Variants in SLC5A4 observed in about 807,000 individuals in gnomAD.
SLC5A4 encodes the protein solute carrier family 5 member 4, also known as probable glucose sensor protein SLC5A4.
Under a neutral mutation model 70.3 loss-of-function variants are expected in SLC5A4, and 55 were observed. The ratio of observed to expected loss-of-function variants is 0.78; its 90% confidence interval spans 0.63 to 0.98. The LOEUF is 0.98. Ranked by LOEUF, SLC5A4 falls within the 50% of genes least tolerant of loss-of-function variation. The pLI is 0.00. For missense variants in SLC5A4, 735 were observed against 839.2 expected (o/e 0.88, Z 1.53); for synonymous variants, 268 against 305.7 (o/e 0.88, Z 1.29).
At chr22:32,318,846 T>C in the SLC5A4 span, among the ~76,000 whole-genome samples, 1 of 152,206 alleles carries the variant, frequency 6.6e-6, no homozygotes, top group Admixed American at 6.5e-5. Flanking sequence ...CTCTTTTCCT[T>C]TTCATTCTCT....
chr22:32,239,566 ATATTTATATATATAT>A (rs1926351704), intron 5 of SLC5A4, among the ~76,000 whole-genome samples: 1 of 23,512 alleles, frequency 4.3e-5, no homozygotes, highest in African/African-American at 2.1e-4. Context: ...ATATATATAT[ATATTTATATATATAT>A]TTATATATAT....
the SLC5A4 span, among the ~76,000 whole-genome samples, chr22:32,312,363 G>GCACA: frequency 6.7e-4 from 57 of 84,620 alleles, no homozygotes; most frequent in African/African-American, 1.8e-3. Flanking sequence ...ACACGCGCGC[G>GCACA]CGCACACACA....
At chr22:32,276,067 C>T in the SLC5A4 span, among the ~76,000 whole-genome samples, 1 of 152,026 alleles carries the variant, frequency 6.6e-6, no homozygotes, top group African/African-American at 2.4e-5. Flanking sequence ...TAAAGATTTG[C>T]AGTTATATAT....
At chr22:32,238,927 G>T (rs755786394) in intron 6 of SLC5A4, 58 bp downstream of exon 6, 16 of 1,157,168 alleles carry the variant, frequency 1.4e-5, no homozygotes, top group Non-Finnish European at 2.0e-5. Flanking sequence ...GCTAATTGCA[G>T]GTTGGGGTGG....
the SLC5A4 span, among the ~76,000 whole-genome samples, chr22:32,328,491 A>G: frequency 6.6e-6 from 1 of 152,166 alleles, no homozygotes; most frequent in East Asian, 1.9e-4. Context: ...GTCAGCTGTC[A>G]TGCCATGAGC....
At chr22:32,302,356 C>T in the SLC5A4 span, among the ~76,000 whole-genome samples, 1 of 151,698 alleles carries the variant, frequency 6.6e-6, no homozygotes, top group Non-Finnish European at 1.5e-5. Context: ...CAGGGTCTCT[C>T]ACAGAGCAAA....
chr22:32,317,444 G>T, the SLC5A4 span, among the ~76,000 whole-genome samples: 1 of 151,992 alleles, frequency 6.6e-6, no homozygotes, highest in African/African-American at 2.4e-5. Flanking sequence ...ATAACTCCAT[G>T]TTCTTTTTTT....
intron 1 of SLC5A4, among the ~76,000 whole-genome samples, chr22:32,254,770 C>G (rs1927376403): frequency 6.6e-6 from 1 of 151,268 alleles, no homozygotes; most frequent in South Asian, 2.1e-4. Flanking sequence ...CGCCACTGCA[C>G]TCCAGCCTGG....
At chr22:32,253,785 CT>C (rs112881344) in intron 2 of SLC5A4, among the ~76,000 whole-genome samples, 65 of 146,866 alleles carry the variant, frequency 4.4e-4, no homozygotes, top group Non-Finnish European at 5.0e-4. Context: ...TCTACATTCA[CT>C]TTTTTTTTTT....
At chr22:32,256,036 A>T (rs989268252), upstream of SLC5A4, among the ~76,000 whole-genome samples, 6 of 152,118 alleles carry the variant, frequency 3.9e-5, no homozygotes, top group African/African-American at 1.4e-4. Context: ...TTAGAAGTAA[A>T]GCCTATGCGG....
chr22:32,326,792 C>T, the SLC5A4 span, among the ~76,000 whole-genome samples: 1 of 152,128 alleles, frequency 6.6e-6, no homozygotes, highest in African/African-American at 2.4e-5. Flanking sequence ...AGGCCTGCTG[C>T]CATCACAGGG....
Position 32,255,212 on chromosome 22 carries a change from T to C in SLC5A4, c.118A>G (p.Met40Val). 6.2e-7 allele frequency: 1 copy of C among 1,613,246 alleles called. No individual in the cohort carries two copies. Among genetic ancestry groups the C allele is most frequent in the Non-Finnish European group, 8.5e-7 (1 of 1,179,748 alleles). The change falls in exon 1 of 15, where the codon ATG (methionine) becomes GTG (valine). Residue 40 changes from methionine (M) to valine (V), a missense_variant. By Grantham distance (21) the Met-to-Val change is conservative. Coordinates refer to ENST00000266086, the MANE Select transcript of SLC5A4 (RefSeq NM_014227.3). ...CCACCTACCCACAGCCCAACAGCCA[T>C]CACCACCAGAAAATAGATGACAATG... is the stretch of plus-strand genomic sequence containing the variant. Reference protein sequence around the residue: ...SVIVIYFLVVMAVGLWAMLKT... With the variant: ...SVIVIYFLVVVAVGLWAMLKT...
the SLC5A4 span, among the ~76,000 whole-genome samples, chr22:32,337,731 T>A: frequency 1.3e-5 from 2 of 152,124 alleles, no homozygotes; most frequent in Non-Finnish European, 1.5e-5. Context: ...GTGCTGTCAA[T>A]TTCCCGAGCG....
rs200974527 is a variant in SLC5A4, at chr22:32,247,410, C to G, written c.477+1G>C. ...AAAATGCCAGGAGGCTCTGAACTCA[C>G]AGAAATTAACAAAACCACACAGATG... On this transcript the variant is annotated splice_donor_variant, in intron 5 of 14. Coordinates refer to ENST00000266086, the MANE Select transcript of SLC5A4 (RefSeq NM_014227.3). LOFTEE classifies it high-confidence loss of function. 4.6e-5 allele frequency: 73 copies of G among 1,604,308 alleles called. No individual in the cohort carries two copies. Among genetic ancestry groups the G allele is most frequent in the African/African-American group, 8.0e-5 (6 of 74,754 alleles).
chr22:32,235,045 T>A lies in SLC5A4; in HGVS notation c.713A>T (p.Asn238Ile), dbSNP rs1925984318. 3.7e-6 allele frequency: 6 copies of A among 1,613,936 alleles called. No homozygotes were observed. The South Asian group carries it at 5.5e-5, about 15-fold the overall frequency. Residue 238 changes from asparagine (N) to isoleucine (I), a missense_variant, in exon 8 of 15, where the codon AAT becomes ATT. Physicochemically the swap from Asn to Ile is moderately radical, Grantham distance 149. Coordinates refer to ENST00000266086, the MANE Select transcript of SLC5A4 (RefSeq NM_014227.3). The part of the protein sequence containing the change: ...GYESFTEKYV[N>I]ATPSVVEGDN... ...CCCCTCGACTACGGATGGGGTGGCA[T>A]TCACGTACTTCTCGGTAAAGCTCTC...
intron 2 of SLC5A4, 139 bp downstream of exon 2, chr22:32,254,003 A>G: frequency 2.7e-6 from 2 of 748,846 alleles, no homozygotes; most frequent in Non-Finnish European, 4.9e-6. Flanking sequence ...CTGGTCTCGA[A>G]CTCCTGACCT....
At chr22:32,333,579 C>T in the SLC5A4 span, among the ~76,000 whole-genome samples, 1 of 152,084 alleles carries the variant, frequency 6.6e-6, no homozygotes, top group African/African-American at 2.4e-5. Flanking sequence ...GCTCCTGGTC[C>T]CACAGGCCCT....
chr22:32,234,127 C>A (rs1047133280), intron 8 of SLC5A4, among the ~76,000 whole-genome samples: 1 of 152,160 alleles, frequency 6.6e-6, no homozygotes, highest in Non-Finnish European at 1.5e-5. Flanking sequence ...AAGCATTTAT[C>A]TGAATCACTT....
rs1925324028 is a variant in SLC5A4, at chr22:32,225,280, ACC to A, written c.1449+373_1449+374del. Among the ~76,000 whole-genome samples the A allele has an allele frequency of 3.9e-5, 6 of 152,316 alleles. 1 individual carries two copies. Among genetic ancestry groups the A allele is most frequent in the Admixed American group, 2.6e-4 (4 of 15,302 alleles). On this transcript the variant is annotated intron_variant, in intron 12 of 14. Transcript: ENST00000266086. ...ACATATTTTATCTCACTTAATACTC[ACC>A]ACAATCCCATAGAATAGGTGCTATC... is the stretch of plus-strand genomic sequence containing the variant.
Sources: gnomAD v4.1 joint callset for allele counts (sites outside exome capture counted in the v4.1 genomes callset) on GRCh38, gnomAD v4.1.1 for gene constraint, MANE v1.5 for transcripts, NCBI Gene and HGNC (gene_info 2026-07-23, HGNC 2026-07-21) for gene names.